The following ROBO2 variants were observed in gnomAD, a reference collection of about 807,000 sequenced individuals.
The protein encoded by ROBO2 is roundabout guidance receptor 2.
In ROBO2, 53 loss-of-function variants were observed where a neutral mutation model predicts 160.8. The ratio of observed to expected loss-of-function variants is 0.33; its 90% CI spans 0.26 to 0.41. The LOEUF (loss-of-function observed/expected upper bound fraction) is 0.41, where lower values mean the gene tolerates loss of function less well. ROBO2 is among the 10% of genes least tolerant of loss of function. The probability of loss-of-function intolerance (pLI) is 1.00; values close to 1 mark genes in which losing one functional copy is unlikely to be tolerated. For missense variants in ROBO2, 1,577 were observed against 1,722.4 expected (o/e 0.92, Z 1.49); for synonymous variants, 664 against 611.7 (o/e 1.09, Z -1.26).
At chr3:76,973,955 A>G (rs1358295348) in intron 2 of ROBO2, among the ~76,000 whole-genome samples, 1 of 152,180 alleles carries the variant, frequency 6.6e-6, no homozygotes, top group Non-Finnish European at 1.5e-5. Context: ...CACCAAAGTG[A>G]TGAACATACA....
chr3:77,314,456 A>G (rs112780656), intron 2 of ROBO2, among the ~76,000 whole-genome samples: 22 of 152,206 alleles, frequency 1.4e-4, no homozygotes, highest in Non-Finnish European at 2.8e-4. Flanking sequence ...TCTTAAGTCA[A>G]AACAAACTCT....
At chr3:76,205,350 G>A (rs752064950) in intron 2 of ROBO2, among the ~76,000 whole-genome samples, 7 of 152,080 alleles carry the variant, frequency 4.6e-5, no homozygotes, top group African/African-American at 1.7e-4. Context: ...GTGAGGAGAG[G>A]CTGGTAAGTA....
intron 2 of ROBO2, among the ~76,000 whole-genome samples, chr3:77,022,611 G>A (rs2062707643): frequency 1.3e-5 from 2 of 152,110 alleles, no homozygotes; most frequent in Admixed American, 6.5e-5. Context: ...CTTTATTTTG[G>A]AAGGGCCTCA....
intron 2 of ROBO2, among the ~76,000 whole-genome samples, chr3:76,833,049 A>C (rs1209943158): frequency 6.6e-6 from 1 of 152,178 alleles, no homozygotes; most frequent in Non-Finnish European, 1.5e-5. Context: ...GTGATAGGAA[A>C]GAGTGAATAC....
At chr3:77,152,745 T>C (rs1384696517) in intron 2 of ROBO2, among the ~76,000 whole-genome samples, 2 of 152,230 alleles carry the variant, frequency 1.3e-5, no homozygotes, top group African/African-American at 2.4e-5. Context: ...GCCTATGACA[T>C]AGATTCTTTT....
intron 19 of ROBO2, among the ~76,000 whole-genome samples, chr3:77,599,277 A>C (rs990830109): frequency 2.0e-5 from 3 of 152,150 alleles, no homozygotes; most frequent in Admixed American, 2.0e-4. Context: ...CAAGAAACTA[A>C]GTTTTCTCAA....
intron 2 of ROBO2, among the ~76,000 whole-genome samples, chr3:76,316,471 C>T (rs1014487646): frequency 6.6e-6 from 1 of 150,798 alleles, no homozygotes; most frequent in African/African-American, 2.5e-5. Context: ...CCCAACCCTG[C>T]AGGCAGTCAG....
intron 2 of ROBO2, among the ~76,000 whole-genome samples, chr3:77,383,803 G>C (rs2073810974): frequency 6.6e-6 from 1 of 152,104 alleles, no homozygotes; most frequent in Non-Finnish European, 1.5e-5. Flanking sequence ...TTCAACAAAA[G>C]AGATTTTTCA....
chr3:76,401,707 G>C (rs2077826945), intron 2 of ROBO2, among the ~76,000 whole-genome samples: 1 of 150,922 alleles, frequency 6.6e-6, no homozygotes, highest in South Asian at 2.1e-4. Context: ...TTACAGGTAA[G>C]GGAATAAAAT....
intron 2 of ROBO2, among the ~76,000 whole-genome samples, chr3:76,260,584 T>C (rs1051452253): frequency 6.6e-6 from 1 of 152,004 alleles, no homozygotes; most frequent in Non-Finnish European, 1.5e-5. Context: ...TGAATCCAAA[T>C]AGAATGGATT....
intron 2 of ROBO2, among the ~76,000 whole-genome samples, chr3:76,615,313 T>C (rs1209596885): frequency 6.6e-6 from 1 of 152,118 alleles, no homozygotes; most frequent in Non-Finnish European, 1.5e-5. Context: ...AAAGCCAGGA[T>C]TGAGAATTTC....
At chr3:77,316,826 A>G (rs2064042562) in intron 2 of ROBO2, 10 of 1,308,680 alleles carry the variant, frequency 7.6e-6, no homozygotes, top group Non-Finnish European at 1.0e-5. Context: ...AGGAGAGCTG[A>G]CAGTGTCAGT....
At chr3:77,120,858 C>T (rs764828855) in intron 2 of ROBO2, among the ~76,000 whole-genome samples, 1 of 152,154 alleles carries the variant, frequency 6.6e-6, no homozygotes, top group South Asian at 2.1e-4. Context: ...CTTTGTTTAC[C>T]ATACTCCTTA....
intron 2 of ROBO2, among the ~76,000 whole-genome samples, chr3:76,073,801 G>A (rs1172119054): frequency 1.3e-5 from 2 of 151,978 alleles, no homozygotes; most frequent in African/African-American, 4.8e-5. Context: ...TATAAAATAA[G>A]TTATACAGGT....
At chr3:76,080,789 CTT>C (rs1317990466) in intron 2 of ROBO2, among the ~76,000 whole-genome samples, 1 of 152,134 alleles carries the variant, frequency 6.6e-6, no homozygotes, top group East Asian at 1.9e-4. Context: ...ATATATGAGT[CTT>C]TATGCAAACA....
rs142390403 is a variant in ROBO2, at chr3:76,612,588, C to A, written c.110-485426C>A. Among the ~76,000 whole-genome samples, 5 of 152,172 alleles carry A rather than the reference C, an allele frequency of 3.3e-5. No individual in the cohort carries two copies. In the East Asian group the frequency reaches 9.7e-4, roughly 29 times the overall value. Reference sequence around the variant, plus strand: ...AGGGGAGAACATTAGGACAAATACCCAATGCATGTGGGGCTTAAAACCTAG... The same window carrying A: ...AGGGGAGAACATTAGGACAAATACCAAATGCATGTGGGGCTTAAAACCTAG... On this transcript the variant is annotated intron_variant, in intron 2 of 26. Coordinates refer to the ROBO2 transcript ENST00000487694.
chr3:77,528,825 A>G (rs2153632929), intron 6 of ROBO2, among the ~76,000 whole-genome samples: 1 of 151,874 alleles, frequency 6.6e-6, no homozygotes, highest in Non-Finnish European at 1.5e-5. Flanking sequence ...GAAACTGATG[A>G]AATCAATTGT....
intron 2 of ROBO2, among the ~76,000 whole-genome samples, chr3:76,583,185 AT>A (rs1251460965): frequency 6.6e-6 from 1 of 152,174 alleles, no homozygotes; most frequent in East Asian, 1.9e-4. Flanking sequence ...GGATTTGAGA[AT>A]TCCCTGAGGA....
chr3:76,874,210 TAAA>T (rs34634709), intron 2 of ROBO2, among the ~76,000 whole-genome samples: 1 of 144,086 alleles, frequency 6.9e-6, no homozygotes, highest in African/African-American at 2.5e-5. Flanking sequence ...TTCAGACCAA[TAAA>T]AAAAAAAAAA....
Sources: gnomAD v4.1 joint callset for allele counts (sites outside exome capture counted in the v4.1 genomes callset) on GRCh38, gnomAD v4.1.1 for gene constraint, MANE v1.5 for transcripts, NCBI Gene and HGNC (gene_info 2026-07-23, HGNC 2026-07-21) for gene names.